FAM83F: variants seen among roughly 807,000 people sequenced by gnomAD.
FAM83F encodes the protein scaffolding CK1 anchoring protein F, also known as protein FAM83F.
A neutral mutation model predicts 42.9 loss-of-function variants in FAM83F; 45 were observed. The ratio of observed to expected loss-of-function variants is 1.05; its 90% CI spans 0.83 to 1.35. The LOEUF is 1.35. Among genes scored for constraint, FAM83F ranks in the 40% most tolerant of loss-of-function variants. The pLI, the probability that FAM83F is intolerant of heterozygous loss-of-function variation, is 0.00. For synonymous variants in FAM83F, 306 were observed against 298.3 expected (o/e 1.03, Z -0.27); for missense variants, 617 against 695.9 (o/e 0.89, Z 1.28).
intron 1 of FAM83F, among the ~76,000 whole-genome samples, chr22:40,014,110 C>T (rs2067481547): frequency 7.2e-6 from 1 of 139,116 alleles, no homozygotes. Context: ...TTCTCTAATC[C>T]TTATGTCTCT....
intron 1 of FAM83F, chr22:39,999,023 A>C (rs1048567288): frequency 5.9e-5 from 9 of 152,248 alleles, no homozygotes; most frequent in African/African-American, 2.2e-4. Context: ...AGGATTGTGC[A>C]TCCGTTTGAC....
rs1350664360 is a variant in FAM83F at position 40,030,641 on chromosome 22, G to T, written c.*1076G>T. 8 of 152,236 alleles carry T rather than the reference G, an allele frequency of 5.3e-5. No individual in the cohort carries two copies. The highest frequency in any genetic ancestry group is 1.9e-4 in the African/African-American group (8 of 41,440). The allele number at this position is 152,236 out of a possible 1,614,324, so 9.4% of individuals were successfully genotyped here. A position where few individuals can be genotyped will look rare whatever the true frequency, so the allele number is the denominator to read the frequency against. On this transcript the variant is annotated 3_prime_UTR_variant, in exon 5 of 5. Coordinates refer to ENST00000333407, the MANE Select transcript of FAM83F (RefSeq NM_138435.4). ...AATGGCCATGAGGCTGAGCTGGGAG[G>T]CCCAGTAAGCAATTCCATTCTGCCT...
rs554918088 is a variant in FAM83F at position 40,014,101 on chromosome 22, T to C, written c.490-5067T>C. 2.0e-5 allele frequency among the ~76,000 whole-genome samples: 3 copies of C among 151,296 alleles called. No individual in the cohort carries two copies. The South Asian group carries it at 6.2e-4, about 31-fold the overall frequency. On this transcript the variant is annotated intron_variant, in intron 1 of 4. Transcript: ENST00000333407. ...TTCTTAAATACTGGTAGTTTTGTCT[T>C]CTCTAATCCTTATGTCTCTTATTTC...
Position 40,019,189 on chromosome 22 carries a change from C to G in FAM83F, c.511C>G (p.Leu171Val), listed in dbSNP as rs759537189. 3 of 1,614,142 alleles carry G rather than the reference C, an allele frequency of 1.9e-6. No individual in the cohort carries two copies. The Admixed American group carries it at 5.0e-5, about 27-fold the overall frequency. Residue 171 changes from leucine to valine, a missense_variant, in exon 2 of 5, where the codon CTC becomes GTC. Leu to Val is a conservative substitution (Grantham distance 32, BLOSUM62 1). Coordinates refer to ENST00000333407, the MANE Select transcript of FAM83F (RefSeq NM_138435.4). ...CCAGGTCATTGCTGTGGTCATGGACCTCTTCACTGATGGTGATATCTTTCA... is the reference window on the plus strand; with the variant it reads ...CCAGGTCATTGCTGTGGTCATGGACGTCTTCACTGATGGTGATATCTTTCA... The part of the protein sequence containing the change: ...AQKVIAVVMD[L>V]FTDGDIFQDI...
At chr22:40,008,031 C>A (rs116222942) in intron 1 of FAM83F, among the ~76,000 whole-genome samples, 1 of 152,226 alleles carries the variant, frequency 6.6e-6, no homozygotes, top group African/African-American at 2.4e-5. Context: ...CCGTGCATTG[C>A]GACATTCAGC....
rs1218350636 is a variant in FAM83F, at chr22:40,041,972, C to T, written c.*12407C>T. 6.6e-6 allele frequency: 1 copy of T among 152,096 alleles called. No homozygotes were observed. The highest frequency in any genetic ancestry group is 2.4e-5 in the African/African-American group (1 of 41,382). 9.4% of individuals were successfully genotyped at this position (152,096 alleles called of 1,614,324 possible). ...CTCCCAGGCTCAAGCAATCCTCCCA[C>T]CTCAGCATCCCAAGTAGCTGGGACT... is the stretch of plus-strand genomic sequence containing the variant. On this transcript the variant is annotated 3_prime_UTR_variant, in exon 5 of 5. Transcript: ENST00000333407.
rs1343364469 is a variant in FAM83F at position 40,041,787 on chromosome 22, C to T, written c.*12222C>T. On this transcript the variant is annotated 3_prime_UTR_variant, in exon 5 of 5. Transcript: ENST00000333407. ...GTGTCTGGATGTAACAGACTATGGG[C>T]GGCTTTTACTTTATAACTTTCTATA... 3.3e-5 allele frequency: 5 copies of T among 151,934 alleles called. No individual in the cohort carries two copies. The highest frequency in any genetic ancestry group is 5.9e-5 in the Non-Finnish European group (4 of 67,990). 9.4% of individuals were successfully genotyped at this position (151,934 alleles called of 1,614,324 possible).
At position 40,026,211 on chromosome 22, in the gene FAM83F, G is replaced by A. The variant is rs554298189; in HGVS notation, c.1454-3305G>A. On this transcript the variant is annotated intron_variant, in intron 4 of 4. Coordinates refer to ENST00000333407, the MANE Select transcript of FAM83F (RefSeq NM_138435.4). ...TCTCCAGAAGGCTAGGATCGGCACC[G>A]TTTCCCTGCACCTTTAAAGACTGTT... Among the ~76,000 whole-genome samples the A allele has an allele frequency of 2.2e-3, 339 of 152,236 alleles. 1 individual carries two copies. Among genetic ancestry groups the A allele is most frequent in the African/African-American group, 6.5e-3 (272 of 41,554 alleles).
intron 1 of FAM83F, among the ~76,000 whole-genome samples, chr22:40,000,449 G>A (rs1327812744): frequency 1.3e-5 from 2 of 152,152 alleles, no homozygotes; most frequent in Non-Finnish European, 2.9e-5. Context: ...ACTCAGCTTT[G>A]CATATGGTGG....
rs975617825 is a variant in FAM83F, at chr22:40,035,487, T to A, written c.*5922T>A. 1.3e-5 allele frequency: 2 copies of A among 152,216 alleles called. No homozygotes were observed. The highest frequency in any genetic ancestry group is 2.4e-5 in the African/African-American group (1 of 41,448). The allele number at this position is 152,216 out of a possible 1,614,324, so 9.4% of individuals were successfully genotyped here. The stretch of plus-strand genomic sequence containing the variant: ...GTTAGGCGACTGCACAGGGAAAGGT[T>A]CGCTGCAGTGCTTGCAGGCCTGCAC... On this transcript the variant is annotated 3_prime_UTR_variant, in exon 5 of 5. Transcript: ENST00000333407.
intron 1 of FAM83F, among the ~76,000 whole-genome samples, chr22:39,996,686 A>G (rs1048334296): frequency 2.6e-5 from 4 of 152,196 alleles, no homozygotes; most frequent in Non-Finnish European, 5.9e-5. Context: ...TAGAAAGACC[A>G]GTGCTCAGGC....
In FAM83F at chr22:40,034,280, G is replaced by A. The variant is rs893078153; in HGVS notation, c.*4715G>A. The stretch of plus-strand genomic sequence containing the variant: ...AAGGACGTAGTGGCTGCTGCTGATC[G>A]TCTGCACTGCTGTTCCAGGGGCAGG... On this transcript the variant is annotated 3_prime_UTR_variant, in exon 5 of 5. Coordinates refer to ENST00000333407, the MANE Select transcript of FAM83F (RefSeq NM_138435.4). 5.9e-5 allele frequency: 9 copies of A among 152,382 alleles called. No individual in the cohort carries two copies. Among genetic ancestry groups the A allele is most frequent in the Middle Eastern group, 3.4e-3 (1 of 294 alleles). The allele number at this position is 152,382 out of a possible 1,614,324, so 9.4% of individuals were successfully genotyped here.
Position 39,995,366 on chromosome 22 carries a change from G to A in FAM83F, c.324G>A (p.Trp108Ter). The A allele has an allele frequency of 1.3e-6, 2 of 1,544,544 alleles. No individual in the cohort carries two copies. Among genetic ancestry groups the A allele is most frequent in the Non-Finnish European group, 1.7e-6 (2 of 1,146,664 alleles). ...PAESGESLAYWPDRSDTEVPP... is the reference protein window; with the variant it reads ...PAESGESLAY Reference sequence around the variant, plus strand: ...AGTCCGGCGAGTCCCTGGCCTACTGGCCCGACCGTTCCGACACCGAGGTGC... The same window carrying A: ...AGTCCGGCGAGTCCCTGGCCTACTGACCCGACCGTTCCGACACCGAGGTGC... The change falls in exon 1 of 5, where the codon TGG (tryptophan) becomes TGA (stop). Residue 108 changes from tryptophan to a stop codon, truncating the protein, a stop_gained. Coordinates refer to ENST00000333407, the MANE Select transcript of FAM83F (RefSeq NM_138435.4). LOFTEE classifies it high-confidence loss of function. This position sits in a 1 kb window ranked among gnomAD's most constrained non-coding sequence, Gnocchi z 4.6.
chr22:39,995,623 C>G lies in FAM83F; in HGVS notation c.489+92C>G. The G allele has an allele frequency of 1.4e-6, 2 of 1,437,510 alleles. No individual in the cohort carries two copies. The highest frequency in any genetic ancestry group is 2.1e-4 in the Middle Eastern group (1 of 4,838). The allele number at this position is 1,437,510 out of a possible 1,614,324, so 89.0% of individuals were successfully genotyped here. A position where few individuals can be genotyped will look rare whatever the true frequency, so the allele number is the denominator to read the frequency against. On this transcript the variant is annotated intron_variant, in intron 1 of 4. Coordinates refer to ENST00000333407, the MANE Select transcript of FAM83F (RefSeq NM_138435.4). The surrounding 1 kb of genome is among the most constrained non-coding windows in gnomAD (Gnocchi z 4.6). ...CTCCCAGGCAGGGCCCGGGGCAGGC[C>G]GCCCTGAGCACCCTCTGGAAAATGG...
chr22:40,035,635 G>T lies in FAM83F; in HGVS notation c.*6070G>T, dbSNP rs1396468370. The T allele has an allele frequency of 6.6e-6, 1 of 152,210 alleles. No homozygotes were observed. The highest frequency in any genetic ancestry group is 1.5e-5 in the Non-Finnish European group (1 of 68,066). 9.4% of individuals were successfully genotyped at this position (152,210 alleles called of 1,614,324 possible). The stretch of plus-strand genomic sequence containing the variant: ...TTGGCGGGGGCGCATGGCATAGAGA[G>T]GACAGGCTTCAGAACAGGCAGGCAA... On this transcript the variant is annotated 3_prime_UTR_variant, in exon 5 of 5. Transcript: ENST00000333407.
At position 40,006,031 on chromosome 22, in the gene FAM83F, G is replaced by A. The variant is rs569851892; in HGVS notation, c.489+10500G>A. Among the ~76,000 whole-genome samples, 4 of 152,328 alleles carry A rather than the reference G, an allele frequency of 2.6e-5. No individual in the cohort carries two copies. The East Asian group carries it at 7.7e-4, about 29-fold the overall frequency. ...GAGGCGGGCAGATCATTTGAGGTCA[G>A]GAGTTTGAAACCAGCCTGGCCAACA... On this transcript the variant is annotated intron_variant, in intron 1 of 4. Transcript: ENST00000333407.
chr22:40,039,821 T>C lies in FAM83F; in HGVS notation c.*10256T>C, dbSNP rs574245749. The C allele has an allele frequency of 1.3e-5, 2 of 152,316 alleles. No individual in the cohort carries two copies. Among genetic ancestry groups the C allele is most frequent in the East Asian group, 3.9e-4 (2 of 5,190 alleles). The allele number at this position is 152,316 out of a possible 1,614,324, so 9.4% of individuals were successfully genotyped here. On this transcript the variant is annotated 3_prime_UTR_variant, in exon 5 of 5. Transcript: ENST00000333407. ...AGAGTAAAACGTATTGGTGAAGCCA[T>C]GGAAACAAGGACTGAGAAAGTCTCT...
In FAM83F at chr22:40,035,618, G is replaced by C. The variant is rs968849310; in HGVS notation, c.*6053G>C. On this transcript the variant is annotated 3_prime_UTR_variant, in exon 5 of 5. Coordinates refer to ENST00000333407, the MANE Select transcript of FAM83F (RefSeq NM_138435.4). Reference sequence around the variant, plus strand: ...GGTATGCCTGCATGACCTTGGCGGGGGCGCATGGCATAGAGAGGACAGGCT... The same window carrying C: ...GGTATGCCTGCATGACCTTGGCGGGCGCGCATGGCATAGAGAGGACAGGCT... 1 of 152,252 alleles carries C rather than the reference G, an allele frequency of 6.6e-6. No individual in the cohort carries two copies. Among genetic ancestry groups the C allele is most frequent in the Non-Finnish European group, 1.5e-5 (1 of 68,058 alleles). The allele number at this position is 152,252 out of a possible 1,614,324, so 9.4% of individuals were successfully genotyped here.
intron 1 of FAM83F, among the ~76,000 whole-genome samples, chr22:40,003,466 CAAGCTGGGG>C: frequency 6.6e-6 from 1 of 152,154 alleles, no homozygotes; most frequent in East Asian, 1.9e-4. Context: ...GCTTCCAATC[CAAGCTGGGG>C]GAGGTGGGGA....
Sources: allele counts gnomAD v4.1 joint callset (sites outside exome capture counted in the v4.1 genomes callset), GRCh38; gene constraint gnomAD v4.1.1; non-coding constraint Gnocchi (gnomAD v3.1); transcripts MANE v1.5; gene names NCBI Gene and HGNC (gene_info 2026-07-23, HGNC 2026-07-21).